BCL3: variants seen among roughly 807,000 people sequenced by gnomAD.
BCL3 encodes BCL3 transcription coactivator.
BCL3 carries 15 observed loss-of-function variants against 35.7 expected under a neutral mutation model. That is an observed-to-expected ratio of 0.42 (90% CI 0.28 to 0.65). The LOEUF (loss-of-function observed/expected upper bound fraction) is 0.65, where lower values mean the gene tolerates loss of function less well. Ranked by LOEUF, BCL3 falls within the 30% of genes least tolerant of loss-of-function variation. BCL3 has a pLI of 0.22. For synonymous variants in BCL3, 311 were observed against 284.3 expected (o/e 1.09, Z -0.95); for missense variants, 565 against 641.7 (o/e 0.88, Z 1.29).
At chr19:44,759,347 G>C in intron 8 of BCL3, 81 bp from the exon 9 acceptor site, 3 of 773,916 alleles carry the variant, frequency 3.9e-6, no homozygotes, top group South Asian at 3.5e-5. Flanking sequence ...TCCTCCCTCA[G>C]ACCCAGATCT....
In BCL3 at chr19:44,757,395, G is replaced by C. The variant is rs1392607073; in HGVS notation, c.793G>C (p.Gly265Arg). ...AACCGTGCAGCTCTTGCTAGAGCGCGGTGCCGACATCGACGCAGTGGTGAG... is the reference window on the plus strand; with the variant it reads ...AACCGTGCAGCTCTTGCTAGAGCGCCGTGCCGACATCGACGCAGTGGTGAG... Reference protein sequence around the residue: ...QETVQLLLERGADIDAVDIKS... With the variant: ...QETVQLLLERRADIDAVDIKS... Residue 265 changes from glycine to arginine, a missense_variant, in exon 5 of 9, where the codon GGT (glycine) becomes CGT (arginine). Around this residue, in one of 5 missense-constraint regions of BCL3, gnomAD observed 103 missense variants for 106.7 expected, o/e 0.97. Coordinates refer to ENST00000164227, the MANE Select transcript of BCL3 (RefSeq NM_005178.5). The surrounding 1 kb of genome is among the most constrained non-coding windows in gnomAD (Gnocchi z 8.4). 1.1e-5 allele frequency: 18 copies of C among 1,602,698 alleles called. No individual in the cohort carries two copies. The highest frequency in any genetic ancestry group is 1.5e-5 in the Non-Finnish European group (18 of 1,174,858).
Position 44,758,781 on chromosome 19 carries a change from C to G in BCL3, c.1117C>G (p.Pro373Ala), listed in dbSNP as rs1300981476. 1.2e-6 allele frequency: 2 copies of G among 1,608,968 alleles called. No homozygotes were observed. The highest frequency in any genetic ancestry group is 1.7e-6 in the Non-Finnish European group (2 of 1,178,504). Residue 373 changes from proline (P) to alanine (A), a missense_variant, in exon 8 of 9, where the codon CCC becomes GCC. Coordinates refer to ENST00000164227, the MANE Select transcript of BCL3 (RefSeq NM_005178.5). ...GCCTGCTTCCACCTCCCAGCCAGAC[C>G]CCTCCCCTGACCGGAGCGCCAACAC... ...TRPASTSQPDPSPDRSANTSP... is the reference protein window; with the variant it reads ...TRPASTSQPDASPDRSANTSP...
intron 2 of BCL3, among the ~76,000 whole-genome samples, chr19:44,754,808 C>G (rs191172007): frequency 1.3e-5 from 2 of 152,346 alleles, no homozygotes; most frequent in East Asian, 3.9e-4. Flanking sequence ...GTGATCTCAC[C>G]CTGGCATGTG....
Position 44,758,209 on chromosome 19 carries a change from C to CCG in BCL3, c.892-31_892-30dup, listed in dbSNP as rs539810994. ...CCTCTGTTCCCTTACCCCGGGTGGC[C>CCG]CGCGCGCCCTCCTGACCCGGCCCTC... On this transcript the variant is annotated intron_variant, in intron 6 of 8. Coordinates refer to ENST00000164227, the MANE Select transcript of BCL3 (RefSeq NM_005178.5). 3.8e-4 allele frequency: 553 copies of CCG among 1,441,188 alleles called. 9 individuals are homozygous for CCG. In the South Asian group the frequency reaches 7.8e-3, roughly 20 times the overall value. The allele number at this position is 1,441,188 out of a possible 1,614,324, so 89.3% of individuals were successfully genotyped here.
intron 7 of BCL3, 82 bp downstream of exon 7, chr19:44,758,495 G>A (rs773609630): frequency 6.7e-7 from 1 of 1,484,856 alleles, no homozygotes; most frequent in African/African-American, 1.4e-5. Context: ...AGAGCGCAGA[G>A]GAGTGAGGGT....
At position 44,757,518 on chromosome 19, in the gene BCL3, G is replaced by T. The variant is rs537177225; in HGVS notation, c.813+103G>T. ...GGCTGGCGTGGGAGAGCACCCGGGT[G>T]GGGTGGGGCTTGGAGTATCAGACCC... On this transcript the variant is annotated intron_variant, in intron 5 of 8. Coordinates refer to ENST00000164227, the MANE Select transcript of BCL3 (RefSeq NM_005178.5). The surrounding 1 kb of genome is among the most constrained non-coding windows in gnomAD (Gnocchi z 8.4). The T allele has an allele frequency of 3.4e-6, 5 of 1,491,022 alleles. No homozygotes were observed. Among genetic ancestry groups the T allele is most frequent in the South Asian group, 2.4e-5 (2 of 83,892 alleles). The allele number at this position is 1,491,022 out of a possible 1,614,324, so 92.4% of individuals were successfully genotyped here.
chr19:44,756,279 G>C lies in BCL3; in HGVS notation c.458G>C (p.Arg153Pro). 1.3e-6 allele frequency: 2 copies of C among 1,556,696 alleles called. No individual in the cohort carries two copies. The highest frequency in any genetic ancestry group is 2.4e-5 in the South Asian group (2 of 83,928). ...VVQGNLPAVH[R>P]LVNLFQQGGR... ...CAGGGTAACCTGCCAGCTGTGCACC[G>C]GCTGGTCAACCTCTTCCAGCAGGGG... The change falls in exon 3 of 9, where the codon CGG (arginine) becomes CCG (proline). Residue 153 changes from arginine (R) to proline (P), a missense_variant. By Grantham distance (103) the Arg-to-Pro change is moderately radical. Around this residue, in one of 5 missense-constraint regions of BCL3, gnomAD observed 267 missense variants for 281.5 expected, o/e 0.95. Coordinates refer to ENST00000164227, the MANE Select transcript of BCL3 (RefSeq NM_005178.5).
At chr19:44,751,087 G>C in intron 1 of BCL3, 140 bp from the exon 2 acceptor site, 3 of 1,096,402 alleles carry the variant, frequency 2.7e-6, no homozygotes, top group Non-Finnish European at 3.8e-6. Context: ...TAGGCCCTGA[G>C]GACCCTGTAT....
chr19:44,756,470 A>T, intron 3 of BCL3, 130 bp downstream of exon 3: 1 of 611,382 alleles, frequency 1.6e-6, no homozygotes, highest in Non-Finnish European at 2.4e-6. Flanking sequence ...CTGAGGGAGG[A>T]GGGACTGGTG....
At position 44,749,001 on chromosome 19, in the gene BCL3, G is replaced by A; in HGVS notation, c.211G>A (p.Gly71Arg). 7.2e-7 allele frequency: 1 copy of A among 1,384,944 alleles called. No individual in the cohort carries two copies. Among genetic ancestry groups the A allele is most frequent in the Non-Finnish European group, 9.4e-7 (1 of 1,067,746 alleles). 85.8% of individuals were successfully genotyped at this position (1,384,944 alleles called of 1,614,324 possible). A position where few individuals can be genotyped will look rare whatever the true frequency, so the allele number is the denominator to read the frequency against. The change falls in exon 1 of 9, where the codon GGG becomes AGG. Residue 71 changes from glycine to arginine, a missense_variant. Gly to Arg is a moderately radical substitution (Grantham distance 125). Around this residue, in one of 5 missense-constraint regions of BCL3, gnomAD observed 267 missense variants for 281.5 expected, o/e 0.95. Transcript: ENST00000164227. ...CGGCTGCGACCTGCCGGCGGTCCCC[G>A]GGCCCCCCCACGGCCTGGCCCGGCC... ...RGGCDLPAVP[G>R]PPHGLARPEA...
chr19:44,754,465 TC>T (rs1967244017), intron 2 of BCL3, among the ~76,000 whole-genome samples: 1 of 151,818 alleles, frequency 6.6e-6, no homozygotes, highest in Non-Finnish European at 1.5e-5. Flanking sequence ...CAGGCTTCCC[TC>T]CCCCGGGAGC....
At position 44,749,066 on chromosome 19, in the gene BCL3, C is replaced by G; in HGVS notation, c.256+20C>G. The stretch of plus-strand genomic sequence containing the variant: ...ACCCCGGTGAGTGGCCCCCGAGGGT[C>G]CGGGCCGGGTGGGATCCACACAGAG... On this transcript the variant is annotated intron_variant, in intron 1 of 8. Transcript: ENST00000164227. The G allele has an allele frequency of 1.6e-6, 2 of 1,276,754 alleles. No individual in the cohort carries two copies. Among genetic ancestry groups the G allele is most frequent in the Non-Finnish European group, 2.0e-6 (2 of 997,312 alleles). 79.1% of individuals were successfully genotyped at this position (1,276,754 alleles called of 1,614,324 possible).
At position 44,757,335 on chromosome 19, in the gene BCL3, G is replaced by A; in HGVS notation, c.733G>A (p.Ala245Thr). 1 of 1,603,522 alleles carries A rather than the reference G, an allele frequency of 6.2e-7. No individual in the cohort carries two copies. The highest frequency in any genetic ancestry group is 8.5e-7 in the Non-Finnish European group (1 of 1,175,330). The change falls in exon 5 of 9, where the codon GCC (alanine) becomes ACC (threonine). Residue 245 changes from alanine (A) to threonine (T), a missense_variant. Around this residue, in one of 5 missense-constraint regions of BCL3, gnomAD observed 103 missense variants for 106.7 expected, o/e 0.97. Transcript: ENST00000164227. This position sits in a 1 kb window ranked among gnomAD's most constrained non-coding sequence, Gnocchi z 8.4. The stretch of plus-strand genomic sequence containing the variant: ...GCCCTCCTCTCCCTCAGGGCTCACC[G>A]CCCTGCACGTGGCAGTGAACACCGA... ...LEARNYDGLT[A>T]LHVAVNTECQ...
intron 2 of BCL3, 49 bp from the exon 3 acceptor site, chr19:44,756,183 A>G (rs752866924): frequency 1.6e-6 from 2 of 1,271,108 alleles, no homozygotes; most frequent in East Asian, 5.7e-5. Context: ...TGAGGGTGAG[A>G]GGTGAACAAC....
At chr19:44,749,457 ATAT>A (rs10566161) in intron 1 of BCL3, among the ~76,000 whole-genome samples, 40,459 of 151,766 alleles carry the variant, frequency 0.27, 5,479 homozygotes, top group Middle Eastern at 0.4. Flanking sequence ...CTGTATCCTG[ATAT>A]TATTAGAATC....
At chr19:44,753,847 T>G in intron 2 of BCL3, among the ~76,000 whole-genome samples, 1 of 148,188 alleles carries the variant, frequency 6.7e-6, no homozygotes, top group African/African-American at 2.5e-5. Flanking sequence ...GGGGTGATGT[T>G]CTGATTCTCA....
chr19:44,749,158 G>A (rs1016136033), intron 1 of BCL3, 112 bp downstream of exon 1: 6 of 433,618 alleles, frequency 1.4e-5, no homozygotes, highest in Non-Finnish European at 2.1e-5. Context: ...GGGACCTGGG[G>A]GACAAGAGGA....
intron 3 of BCL3, among the ~76,000 whole-genome samples, chr19:44,756,548 G>GCA (rs201660156): frequency 0.11 from 16,167 of 146,092 alleles, 1,620 homozygotes; most frequent in African/African-American, 0.27. Context: ...GAGGAGGGCT[G>GCA]GGTCCTGGGC....
chr19:44,755,263 T>A (rs1967259302), intron 2 of BCL3: 1 of 152,298 alleles, frequency 6.6e-6, no homozygotes, highest in African/African-American at 2.4e-5. Flanking sequence ...GAAGCCCATC[T>A]GGGCAGAGGG....
Sources: allele counts gnomAD v4.1 joint callset (sites outside exome capture counted in the v4.1 genomes callset), GRCh38; gene constraint gnomAD v4.1.1; regional missense constraint gnomAD v4.1.1; non-coding constraint Gnocchi (gnomAD v3.1); transcripts MANE v1.5; gene names NCBI Gene and HGNC (gene_info 2026-07-23, HGNC 2026-07-21).